ZMYND12: variants seen among roughly 807,000 people sequenced by gnomAD.
ZMYND12 encodes zinc finger MYND domain-containing protein 12.
A neutral mutation model predicts 41.7 loss-of-function variants in ZMYND12; 32 were observed. The ratio of observed to expected loss-of-function variants is 0.77; its 90% CI spans 0.58 to 1.03. The LOEUF (loss-of-function observed/expected upper bound fraction) is 1.03. Ranked by LOEUF, ZMYND12 falls within the 50% of genes least tolerant of loss-of-function variation. The pLI, the probability that ZMYND12 is intolerant of heterozygous loss-of-function variation, is 0.00. For missense variants in ZMYND12, 424 were observed against 438.5 expected, an observed-to-expected ratio of 0.97 and a Z score of 0.30; for synonymous variants, 148 against 164.8, an observed-to-expected ratio of 0.90 and a Z score of 0.78.
At chr1:42,451,146 T>C (rs1273893730) in intron 1 of ZMYND12, among the ~76,000 whole-genome samples, 2 of 152,236 alleles carry the variant, frequency 1.3e-5, no homozygotes, top group Admixed American at 6.5e-5. Flanking sequence ...GTCTAATTGT[T>C]CTATGCATTA....
chr1:42,442,413 A>G (rs1642980767), intron 3 of ZMYND12, among the ~76,000 whole-genome samples: 1 of 152,208 alleles, frequency 6.6e-6, no homozygotes, highest in Non-Finnish European at 1.5e-5. Flanking sequence ...TGTGGAAGGT[A>G]AGAGAAAGGA....
At chr1:42,453,927 A>G (rs1164268973) in intron 1 of ZMYND12, among the ~76,000 whole-genome samples, 1 of 152,242 alleles carries the variant, frequency 6.6e-6, no homozygotes, top group Admixed American at 6.5e-5. Flanking sequence ...AGACATAGAC[A>G]TCAGACAAGC....
chr1:42,448,696 T>G lies in ZMYND12; in HGVS notation c.253-58A>C, dbSNP rs1643049786. ...GTCTAAAGTTAAAGGCAAAGGTGGA[T>G]GTAGATGGCCCTGGGGATAAGGCCA... On this transcript the variant is annotated intron_variant, in intron 2 of 7. Coordinates refer to ENST00000372565, the MANE Select transcript of ZMYND12 (RefSeq NM_032257.5). 2.0e-6 allele frequency: 3 copies of G among 1,521,476 alleles called. No individual in the cohort carries two copies. In the East Asian group the frequency reaches 7.2e-5, roughly 36 times the overall value. 94.2% of individuals were successfully genotyped at this position (1,521,476 alleles called of 1,614,324 possible).
At chr1:42,440,960 G>A (rs925695779) in intron 3 of ZMYND12, among the ~76,000 whole-genome samples, 37 of 152,210 alleles carry the variant, frequency 2.4e-4, no homozygotes, top group African/African-American at 8.9e-4. Context: ...GAGACACTGT[G>A]TCTGGCCTTA....
intron 6 of ZMYND12, 67 bp downstream of exon 6, chr1:42,435,207 G>A (rs1289507442): frequency 8.0e-7 from 1 of 1,246,360 alleles, no homozygotes; most frequent in East Asian, 2.3e-5. Flanking sequence ...TTCCCTCTTA[G>A]GGACAAGGTC....
intron 3 of ZMYND12, among the ~76,000 whole-genome samples, chr1:42,444,241 C>A (rs1371990095): frequency 1.3e-5 from 2 of 152,102 alleles, no homozygotes; most frequent in South Asian, 2.1e-4. Context: ...CAGAAGGAAC[C>A]ATATATGTGA....
intron 3 of ZMYND12, among the ~76,000 whole-genome samples, chr1:42,443,625 T>A (rs1277767831): frequency 1.3e-5 from 2 of 152,194 alleles, no homozygotes; most frequent in Non-Finnish European, 2.9e-5. Context: ...TCTGTATTTA[T>A]TGAAGACCTG....
At chr1:42,444,418 A>G (rs1293787462) in intron 3 of ZMYND12, among the ~76,000 whole-genome samples, 2 of 152,216 alleles carry the variant, frequency 1.3e-5, no homozygotes, top group East Asian at 3.8e-4. Flanking sequence ...AGACTTCCAG[A>G]AACGTTAGCA....
intron 1 of ZMYND12, among the ~76,000 whole-genome samples, chr1:42,455,034 T>A (rs2148412713): frequency 6.6e-6 from 1 of 152,382 alleles, no homozygotes; most frequent in Non-Finnish European, 1.5e-5. Context: ...CTCTAAATGG[T>A]GATTGTGACT....
chr1:42,430,642 AG>A lies in ZMYND12; in HGVS notation c.*93del, dbSNP rs1642837280. On this transcript the variant is annotated 3_prime_UTR_variant, in exon 8 of 8. Coordinates refer to ENST00000372565, the MANE Select transcript of ZMYND12 (RefSeq NM_032257.5). ...AGGGGAAGAGGGTGGAAACTTCAGC[AG>A]TCTACAGTACCTCAAAGCAGTTGTG... The A allele has an allele frequency of 6.7e-7, 1 of 1,503,522 alleles. No homozygotes were observed. The highest frequency in any genetic ancestry group is 9.0e-7 in the Non-Finnish European group (1 of 1,105,602). 93.1% of individuals were successfully genotyped at this position (1,503,522 alleles called of 1,614,324 possible). A position where few individuals can be genotyped will look rare whatever the true frequency, so the allele number is the denominator to read the frequency against.
chr1:42,440,971 A>G (rs770413334), intron 3 of ZMYND12, among the ~76,000 whole-genome samples: 2 of 152,060 alleles, frequency 1.3e-5, no homozygotes, highest in Non-Finnish European at 2.9e-5. Context: ...TCTGGCCTTA[A>G]TTGTTCTTTA....
chr1:42,441,939 C>G (rs549720207), intron 3 of ZMYND12, among the ~76,000 whole-genome samples: 23 of 152,276 alleles, frequency 1.5e-4, no homozygotes, highest in African/African-American at 5.3e-4. Context: ...TTATTTGTAT[C>G]ATTTTTAATC....
rs555869838 is a variant in ZMYND12, at chr1:42,437,169, T to C, written c.595-626A>G. Among the ~76,000 whole-genome samples the C allele has an allele frequency of 5.3e-5, 8 of 152,202 alleles. No individual in the cohort carries two copies. The East Asian group carries it at 1.5e-3, about 29-fold the overall frequency. On this transcript the variant is annotated intron_variant, in intron 4 of 7. Coordinates refer to ENST00000372565, the MANE Select transcript of ZMYND12 (RefSeq NM_032257.5). ...TGGATGAATCTCAAAATAATCACCC[T>C]AGGTGAAAGAGGTCAGATGCAAAGG...
chr1:42,437,393 T>C (rs1642918710), intron 4 of ZMYND12, among the ~76,000 whole-genome samples: 1 of 151,932 alleles, frequency 6.6e-6, no homozygotes, highest in Non-Finnish European at 1.5e-5. Flanking sequence ...AATAATTTAA[T>C]TGTACACGTA....
At chr1:42,437,057 T>G (rs1048077242) in intron 4 of ZMYND12, among the ~76,000 whole-genome samples, 5 of 152,278 alleles carry the variant, frequency 3.3e-5, no homozygotes, top group African/African-American at 1.2e-4. Context: ...CATCAACTGA[T>G]AAATGGATAG....
chr1:42,442,610 T>C (rs1642983006), intron 3 of ZMYND12, among the ~76,000 whole-genome samples: 1 of 152,008 alleles, frequency 6.6e-6, no homozygotes, highest in Non-Finnish European at 1.5e-5. Flanking sequence ...GGGCGAAGCA[T>C]TGGTGTGATA....
intron 1 of ZMYND12, among the ~76,000 whole-genome samples, chr1:42,454,078 C>T (rs1643114979): frequency 6.6e-6 from 1 of 151,982 alleles, no homozygotes; most frequent in African/African-American, 2.4e-5. Context: ...TGAAAGGGAG[C>T]CAGGAAGGCT....
chr1:42,441,622 T>C (rs529003528), intron 3 of ZMYND12, among the ~76,000 whole-genome samples: 88 of 152,030 alleles, frequency 5.8e-4, no homozygotes, highest in African/African-American at 2.0e-3. Context: ...TATTGTTTTG[T>C]TTTGTTTTGT....
chr1:42,445,537 G>T (rs980971445), intron 3 of ZMYND12, among the ~76,000 whole-genome samples: 1 of 151,966 alleles, frequency 6.6e-6, no homozygotes, highest in South Asian at 2.1e-4. Flanking sequence ...AGATGATAAG[G>T]AGTTAATTTG....
Sources: gnomAD v4.1 joint callset for allele counts (sites outside exome capture counted in the v4.1 genomes callset) on GRCh38, gnomAD v4.1.1 for gene constraint, MANE v1.5 for transcripts, NCBI Gene and HGNC (gene_info 2026-07-23, HGNC 2026-07-21) for gene names.